Variants in ZBTB7C observed in about 807,000 individuals in gnomAD.
ZBTB7C encodes the protein zinc finger and BTB domain-containing protein 7C.
ZBTB7C carries 8 observed loss-of-function variants against 25.7 expected under a neutral mutation model. The observed-to-expected ratio is 0.31, with a 90% CI of 0.18 to 0.56. The LOEUF (loss-of-function observed/expected upper bound fraction) is 0.56, where lower values mean the gene tolerates loss of function less well. Among genes scored for constraint, ZBTB7C ranks in the 20% least tolerant of loss-of-function variants. The probability of loss-of-function intolerance (pLI) is 0.91; values close to 1 mark genes in which losing one functional copy is unlikely to be tolerated. For missense variants in ZBTB7C, 824 were observed against 855.2 expected (o/e 0.96, Z 0.46); for synonymous variants, 394 against 369.0 (o/e 1.07, Z -0.78).
intron 3 of ZBTB7C, among the ~76,000 whole-genome samples, chr18:48,084,353 T>A (rs1416624144): frequency 6.6e-6 from 1 of 152,190 alleles, no homozygotes. Context: ...TTCGCCCTGT[T>A]GTTTTGAGTA....
At chr18:48,103,130 A>ATCTATCTATCTATCTATCTG (rs1568220146) in intron 3 of ZBTB7C, among the ~76,000 whole-genome samples, 7 of 140,738 alleles carry the variant, frequency 5.0e-5, no homozygotes, top group African/African-American at 1.8e-4. Context: ...CTATCTATCT[A>ATCTATCTATCTATCTATCTG]TCTATCTATC....
At chr18:48,311,798 T>C (rs1002359038) in intron 2 of ZBTB7C, among the ~76,000 whole-genome samples, 1 of 152,178 alleles carries the variant, frequency 6.6e-6, no homozygotes, top group East Asian at 1.9e-4. Flanking sequence ...TGCTTTTATT[T>C]GGATTTTTCT....
At chr18:48,074,888 C>T (rs957849050) in intron 3 of ZBTB7C, among the ~76,000 whole-genome samples, 1 of 152,208 alleles carries the variant, frequency 6.6e-6, no homozygotes, top group Non-Finnish European at 1.5e-5. Flanking sequence ...AGGTCCTCTC[C>T]ATTCAGTGAT....
intron 2 of ZBTB7C, among the ~76,000 whole-genome samples, chr18:48,207,920 C>T (rs991102903): frequency 6.6e-6 from 1 of 151,852 alleles, no homozygotes; most frequent in African/African-American, 2.4e-5. Context: ...ATCCAGAGTG[C>T]TGGGAATGTT....
chr18:48,214,230 T>C (rs1198422786), intron 2 of ZBTB7C, among the ~76,000 whole-genome samples: 1 of 152,228 alleles, frequency 6.6e-6, no homozygotes, highest in Non-Finnish European at 1.5e-5. Context: ...ATCCCCACCA[T>C]CCACCTCCAG....
intron 3 of ZBTB7C, chr18:48,076,850 AT>A (rs1301365674): frequency 1.3e-6 from 1 of 780,942 alleles, no homozygotes; most frequent in African/African-American, 1.9e-5. Flanking sequence ...GAATGTAGTC[AT>A]TATGCCCTGC....
chr18:48,125,057 A>C (rs2067778101), intron 3 of ZBTB7C, among the ~76,000 whole-genome samples: 1 of 152,214 alleles, frequency 6.6e-6, no homozygotes, highest in African/African-American at 2.4e-5. Flanking sequence ...GGTTTGCTGC[A>C]TGGGAGCTCT....
At chr18:48,377,542 C>T (rs1306022600) in intron 1 of ZBTB7C, among the ~76,000 whole-genome samples, 1 of 152,228 alleles carries the variant, frequency 6.6e-6, no homozygotes, top group Non-Finnish European at 1.5e-5. Context: ...ACACTGGGCC[C>T]AACCAGAACA....
chr18:48,264,790 A>G (rs1234709377), intron 2 of ZBTB7C, among the ~76,000 whole-genome samples: 1 of 152,188 alleles, frequency 6.6e-6, no homozygotes, highest in African/African-American at 2.4e-5. Context: ...GAGTCAGCCA[A>G]AAGGGCAGCC....
At chr18:48,306,966 C>G (rs570040448) in intron 2 of ZBTB7C, among the ~76,000 whole-genome samples, 1 of 152,124 alleles carries the variant, frequency 6.6e-6, no homozygotes. Context: ...CGGCAAGAGA[C>G]GATCTGCCAA....
At chr18:48,353,277 T>G (rs1215951697) in intron 1 of ZBTB7C, among the ~76,000 whole-genome samples, 1 of 152,196 alleles carries the variant, frequency 6.6e-6, no homozygotes, top group Non-Finnish European at 1.5e-5. Flanking sequence ...CCAGGTCTTC[T>G]GCTGCAAATA....
At chr18:48,386,758 A>G (rs1171607520) in intron 1 of ZBTB7C, among the ~76,000 whole-genome samples, 2 of 152,256 alleles carry the variant, frequency 1.3e-5, no homozygotes, top group East Asian at 3.8e-4. Context: ...AATTGAAAGG[A>G]AATTCTAGCC....
intron 2 of ZBTB7C, among the ~76,000 whole-genome samples, chr18:48,283,992 C>T (rs542123023): frequency 6.6e-6 from 1 of 151,958 alleles, no homozygotes; most frequent in Non-Finnish European, 1.5e-5. Flanking sequence ...ACTAAAAATA[C>T]AGAAATTTGC....
intron 3 of ZBTB7C, among the ~76,000 whole-genome samples, chr18:48,112,598 C>G (rs747597528): frequency 1.3e-5 from 2 of 152,160 alleles, no homozygotes; most frequent in Non-Finnish European, 2.9e-5. Context: ...TCTTGAACGA[C>G]TTGGCCTCCC....
At chr18:48,092,717 T>A (rs1392357715) in intron 3 of ZBTB7C, among the ~76,000 whole-genome samples, 1 of 152,242 alleles carries the variant, frequency 6.6e-6, no homozygotes, top group Non-Finnish European at 1.5e-5. Context: ...CATATGCAGA[T>A]GAAAGGCCTT....
At chr18:48,367,397 G>T (rs2047271709) in intron 1 of ZBTB7C, among the ~76,000 whole-genome samples, 1 of 131,988 alleles carries the variant, frequency 7.6e-6, no homozygotes, top group Admixed American at 7.5e-5. Context: ...GACTCTAAAA[G>T]GTAACAAGAA....
intron 4 of ZBTB7C, among the ~76,000 whole-genome samples, chr18:48,037,338 T>C (rs2036017123): frequency 1.3e-5 from 2 of 152,146 alleles, no homozygotes; most frequent in Admixed American, 1.3e-4. Flanking sequence ...ATCATCTGGC[T>C]GGGAGTGGGG....
chr18:48,033,696 C>G (rs2144092644), intron 4 of ZBTB7C, among the ~76,000 whole-genome samples: 1 of 152,330 alleles, frequency 6.6e-6, no homozygotes, highest in Admixed American at 6.5e-5. Flanking sequence ...TAGCAGTACA[C>G]TTCTCAGGAC....
At chr18:48,039,456 G>T (rs12457845) in intron 4 of ZBTB7C, among the ~76,000 whole-genome samples, 38,980 of 152,108 alleles carry the variant, frequency 0.26, 5,867 homozygotes, top group African/African-American at 0.41. Context: ...TTAAGGTGCC[G>T]AGGACGGCCC....
Sources: gnomAD v4.1 joint callset for allele counts (sites outside exome capture counted in the v4.1 genomes callset) on GRCh38, gnomAD v4.1.1 for gene constraint, MANE v1.5 for transcripts, NCBI Gene and HGNC (gene_info 2026-07-23, HGNC 2026-07-21) for gene names.